The following SLC8A1 variants were observed in gnomAD, a reference collection of about 807,000 sequenced individuals.
SLC8A1 encodes the protein solute carrier family 8 member A1, also known as sodium/calcium exchanger 1.
In SLC8A1, 18 loss-of-function variants were observed where a neutral mutation model predicts 68.3. The observed-to-expected ratio is 0.26, with a 90% CI of 0.18 to 0.39. SLC8A1 has a LOEUF of 0.39. Ranked by LOEUF, SLC8A1 falls within the 10% of genes least tolerant of loss-of-function variation. The pLI is 1.00. For missense variants in SLC8A1, 985 were observed against 1,156.7 expected (o/e 0.85, Z 2.15); for synonymous variants, 475 against 415.5 (o/e 1.14, Z -1.74).
At chr2:40,294,001 T>A (rs1369722616) in intron 2 of SLC8A1, among the ~76,000 whole-genome samples, 1 of 152,114 alleles carries the variant, frequency 6.6e-6, no homozygotes. Context: ...ACAGAATCCA[T>A]AGCAATCAGT....
At chr2:40,451,353 C>T (rs1300956110) in intron 1 of SLC8A1, among the ~76,000 whole-genome samples, 1 of 152,142 alleles carries the variant, frequency 6.6e-6, no homozygotes. Flanking sequence ...GTCTCTGCCC[C>T]GCCACACCTC....
intron 6 of SLC8A1, among the ~76,000 whole-genome samples, chr2:40,154,617 G>A (rs1459805447): frequency 6.7e-6 from 1 of 150,226 alleles, no homozygotes; most frequent in Non-Finnish European, 1.5e-5. Context: ...GTGAGCCACT[G>A]CGCCCAGCCA....
chr2:40,326,836 C>T (rs931936327), intron 2 of SLC8A1, among the ~76,000 whole-genome samples: 6 of 151,984 alleles, frequency 3.9e-5, no homozygotes, highest in East Asian at 1.9e-4. Flanking sequence ...TTTAAATTGA[C>T]GATGTAAATT....
intron 2 of SLC8A1, among the ~76,000 whole-genome samples, chr2:40,412,798 T>C (rs75200449): frequency 0.017 from 2,614 of 152,324 alleles, 79 homozygotes; most frequent in African/African-American, 0.059. Context: ...CTCATTTTAC[T>C]ATGGATGAAA....
At position 40,297,473 on chromosome 2, in the gene SLC8A1, C is replaced by T. The variant is rs181719362; in HGVS notation, c.1809-119618G>A. 3.9e-4 allele frequency among the ~76,000 whole-genome samples: 60 copies of T among 152,234 alleles called. 1 individual carries two copies. In the East Asian group the frequency reaches 7.7e-3, roughly 20 times the overall value. Reference sequence around the variant, plus strand: ...ATTTCCACTGTGTAACAAAGTGGGACGATGACCCATTTTTTGTAACTCAGT... The same window carrying T: ...ATTTCCACTGTGTAACAAAGTGGGATGATGACCCATTTTTTGTAACTCAGT... On this transcript the variant is annotated intron_variant, in intron 2 of 7. Coordinates refer to ENST00000406785, the Ensembl canonical transcript of SLC8A1.
chr2:40,505,711 T>A (rs1395016182), intron 1 of SLC8A1, among the ~76,000 whole-genome samples: 1 of 152,098 alleles, frequency 6.6e-6, no homozygotes, highest in South Asian at 2.1e-4. Context: ...TTCAGAAGAC[T>A]TATCTGTACT....
intron 2 of SLC8A1, among the ~76,000 whole-genome samples, chr2:40,384,196 G>A (rs1682845030): frequency 1.3e-5 from 2 of 152,046 alleles, no homozygotes; most frequent in South Asian, 4.2e-4. Context: ...GTTGGAGACT[G>A]CAGTGAGCTA....
intron 2 of SLC8A1, among the ~76,000 whole-genome samples, chr2:40,289,568 C>T (rs961203847): frequency 6.6e-6 from 1 of 151,900 alleles, no homozygotes; most frequent in African/African-American, 2.4e-5. Flanking sequence ...AAAGAGGAAA[C>T]AGCCCAGTGC....
At chr2:40,158,440 C>T (rs188428792) in intron 6 of SLC8A1, among the ~76,000 whole-genome samples, 2 of 152,276 alleles carry the variant, frequency 1.3e-5, no homozygotes, top group African/African-American at 4.8e-5. Context: ...TACCCAGCAG[C>T]CTGCGAATTT....
chr2:40,235,906 G>T (rs2060298574), intron 2 of SLC8A1, among the ~76,000 whole-genome samples: 1 of 151,628 alleles, frequency 6.6e-6, no homozygotes, highest in Non-Finnish European at 1.5e-5. Context: ...GTAGTTGAGG[G>T]GTTTTGAGTG....
intron 2 of SLC8A1, among the ~76,000 whole-genome samples, chr2:40,348,367 T>C (rs1354311895): frequency 6.6e-6 from 1 of 152,136 alleles, no homozygotes; most frequent in African/African-American, 2.4e-5. Context: ...AAGATCACAG[T>C]GACTCCAAAA....
chr2:40,317,603 T>C (rs760944081), intron 2 of SLC8A1, among the ~76,000 whole-genome samples: 2 of 151,888 alleles, frequency 1.3e-5, no homozygotes, highest in Non-Finnish European at 2.9e-5. Context: ...ACTAGAAAAA[T>C]AGGAATATTT....
At chr2:40,445,440 C>T (rs757228011) in intron 1 of SLC8A1, among the ~76,000 whole-genome samples, 48 of 152,114 alleles carry the variant, frequency 3.2e-4, no homozygotes, top group Admixed American at 1.3e-3. Flanking sequence ...AGGCTTTCTA[C>T]ACAGGGAAAG....
At chr2:40,364,353 T>C (rs1675407525) in intron 2 of SLC8A1, among the ~76,000 whole-genome samples, 1 of 151,820 alleles carries the variant, frequency 6.6e-6, no homozygotes, top group Admixed American at 6.6e-5. Context: ...TACGAGTTTG[T>C]GTGTGTGTTT....
intron 2 of SLC8A1, among the ~76,000 whole-genome samples, chr2:40,338,048 TCTGAAAGTG>T (rs1427924328): frequency 6.6e-6 from 1 of 151,978 alleles, no homozygotes; most frequent in Non-Finnish European, 1.5e-5. Context: ...ATAATGAGGG[TCTGAAAGTG>T]CTCTGTCTTA....
intron 2 of SLC8A1, among the ~76,000 whole-genome samples, chr2:40,369,100 G>A (rs974744477): frequency 2.6e-5 from 4 of 152,002 alleles, no homozygotes; most frequent in African/African-American, 9.7e-5. Flanking sequence ...AGACGACCTA[G>A]GCAATAACAT....
intron 7 of SLC8A1, among the ~76,000 whole-genome samples, chr2:40,122,235 C>CGCGT (rs70957145): frequency 6.7e-6 from 1 of 149,062 alleles, no homozygotes; most frequent in African/African-American, 2.6e-5. Flanking sequence ...CGTGTGCGCG[C>CGCGT]GCACACACAC....
intron 2 of SLC8A1, among the ~76,000 whole-genome samples, chr2:40,219,039 G>GCC (rs1553424128): frequency 2.0e-4 from 3 of 15,286 alleles, no homozygotes; most frequent in African/African-American, 7.3e-4. Context: ...CTATTTCTTG[G>GCC]TCTGATATAA....
chr2:40,195,253 A>C (rs1281038644), intron 2 of SLC8A1, among the ~76,000 whole-genome samples: 2 of 152,190 alleles, frequency 1.3e-5, no homozygotes, highest in African/African-American at 4.8e-5. Context: ...AACACATGTG[A>C]TATGCAGAAA....
Sources: allele counts gnomAD v4.1 joint callset (sites outside exome capture counted in the v4.1 genomes callset), GRCh38; gene constraint gnomAD v4.1.1; transcripts MANE v1.5; gene names NCBI Gene and HGNC (gene_info 2026-07-23, HGNC 2026-07-21).